EHBP1: variants seen among roughly 807,000 people sequenced by gnomAD.
EHBP1 encodes the protein EH domain binding protein 1, also known as EH domain-binding protein 1.
Under a neutral mutation model 144.0 loss-of-function variants are expected in EHBP1, and 55 were observed. The observed-to-expected ratio is 0.38, with a 90% CI of 0.31 to 0.48. The LOEUF is 0.48. Among genes scored for constraint, EHBP1 ranks in the 20% least tolerant of loss-of-function variants. The pLI, the probability that EHBP1 is intolerant of heterozygous loss-of-function variation, is 0.98. For synonymous variants in EHBP1, 469 were observed against 472.7 expected (o/e 0.99, Z 0.10); for missense variants, 1,200 against 1,364.2 (o/e 0.88, Z 1.90).
rs149328046 is a variant in EHBP1, at chr2:62,885,170, T to C, written c.1185+10638T>C. ...ATAAAATGACAACTCAGCCAGATGA[T>C]TGATTTCTCCACCTATTGCCTGAAA... is the stretch of plus-strand genomic sequence containing the variant. On this transcript the variant is annotated intron_variant, in intron 10 of 22. Coordinates refer to ENST00000431489, the MANE Select transcript of EHBP1 (RefSeq NM_001142616.3). Among the ~76,000 whole-genome samples the C allele has an allele frequency of 4.7e-4, 72 of 152,342 alleles. 1 individual carries two copies. Among genetic ancestry groups the C allele is most frequent in the African/African-American group, 1.5e-3 (64 of 41,582 alleles).
At chr2:62,686,722 CATT>C (rs1323976595) in intron 1 of EHBP1, among the ~76,000 whole-genome samples, 1 of 152,166 alleles carries the variant, frequency 6.6e-6, no homozygotes, top group Non-Finnish European at 1.5e-5. Context: ...GTTTTAAAAA[CATT>C]ATTTAATATT....
intron 7 of EHBP1, among the ~76,000 whole-genome samples, chr2:62,849,912 T>C (rs2048560318): frequency 6.6e-6 from 1 of 152,216 alleles, no homozygotes; most frequent in Admixed American, 6.5e-5. Flanking sequence ...AGTATGTATT[T>C]GAGAATTATC....
At position 63,045,133 on chromosome 2, in the gene EHBP1, G is replaced by C; in HGVS notation, c.3345G>C (p.Val1115=). 1 of 1,597,666 alleles carries C rather than the reference G, an allele frequency of 6.3e-7. No individual in the cohort carries two copies. The highest frequency in any genetic ancestry group is 8.5e-7 in the Non-Finnish European group (1 of 1,171,822). The change falls in exon 22 of 23, where the codon GTG becomes GTC. Residue 1115 remains valine (V), a synonymous_variant. Coordinates refer to ENST00000431489, the MANE Select transcript of EHBP1 (RefSeq NM_001142616.3). This position sits in a 1 kb window ranked among gnomAD's most constrained non-coding sequence, Gnocchi z 5.7. The part of the protein sequence containing the change: ...QLLLDELVAL[V]NKRDALVRDL... ...TGCTAGATGAGCTGGTGGCCCTGGT[G>C]AACAAGCGCGATGCGCTCGTCAGGG...
intron 1 of EHBP1, among the ~76,000 whole-genome samples, chr2:62,696,449 TTTTTTTCTTTTCCTTTTTCTTCTC>T (rs2034096582): frequency 6.6e-6 from 1 of 151,532 alleles, no homozygotes; most frequent in Non-Finnish European, 1.5e-5. Context: ...GCCCAGCTTT[TTTTTTTCTTTTCCTTTTTCTTCTC>T]TTTTTTCTTT....
intron 14 of EHBP1, among the ~76,000 whole-genome samples, chr2:62,973,792 G>A (rs1333042221): frequency 4.6e-5 from 7 of 152,118 alleles, no homozygotes; most frequent in Non-Finnish European, 8.8e-5. Flanking sequence ...TGGAGCCCAT[G>A]AGTTTGAGAC....
chr2:62,994,334 A>C (rs2059545615), intron 18 of EHBP1, among the ~76,000 whole-genome samples: 1 of 152,094 alleles, frequency 6.6e-6, no homozygotes, highest in Non-Finnish European at 1.5e-5. Flanking sequence ...GACCTGCTAG[A>C]ATTTCTCAGC....
chr2:62,942,833 C>G lies in EHBP1; in HGVS notation c.1301C>G (p.Thr434Ser). The change falls in exon 11 of 23, where the codon ACT (threonine) becomes AGT (serine). Residue 434 changes from threonine (T) to serine (S), a missense_variant. By Grantham distance (58) the Thr-to-Ser change is moderately conservative. Transcript: ENST00000431489. ...NYRGVKITNF[T>S]TSWRNGLSFC... ...CGAGGAGTAAAAATCACCAATTTTA[C>G]TACATCGTGGAGAAATGGTTTATCT... The G allele has an allele frequency of 6.2e-7, 1 of 1,613,816 alleles. No individual in the cohort carries two copies. Among genetic ancestry groups the G allele is most frequent in the Non-Finnish European group, 8.5e-7 (1 of 1,179,788 alleles).
At chr2:62,950,576 A>G (rs1166225257) in intron 13 of EHBP1, among the ~76,000 whole-genome samples, 1 of 152,334 alleles carries the variant, frequency 6.6e-6, no homozygotes, top group African/African-American at 2.4e-5. Context: ...ATCAAAAATG[A>G]CAAATATCAG....
At chr2:62,802,593 G>A (rs953080279) in intron 5 of EHBP1, among the ~76,000 whole-genome samples, 5 of 151,990 alleles carry the variant, frequency 3.3e-5, no homozygotes, top group East Asian at 3.9e-4. Context: ...ATAAAGAAAC[G>A]TATAAAGTAA....
intron 3 of EHBP1, among the ~76,000 whole-genome samples, chr2:62,750,566 C>A (rs543692542): frequency 1.3e-5 from 2 of 152,268 alleles, no homozygotes; most frequent in Non-Finnish European, 2.9e-5. Flanking sequence ...CTATAAATTA[C>A]CTTGGGCAGT....
At chr2:62,967,907 G>A (rs974417478) in intron 14 of EHBP1, among the ~76,000 whole-genome samples, 2 of 151,750 alleles carry the variant, frequency 1.3e-5, no homozygotes, top group Non-Finnish European at 2.9e-5. Flanking sequence ...TCAAGTTTAC[G>A]CAGGAGAAAA....
At chr2:62,771,426 T>C in intron 5 of EHBP1, 34 bp downstream of exon 5, 1 of 1,531,902 alleles carries the variant, frequency 6.5e-7, no homozygotes, top group Non-Finnish European at 8.9e-7. Flanking sequence ...ACCTTTCACA[T>C]TTTCAACTTT....
At chr2:62,931,042 C>A (rs1177943830) in intron 10 of EHBP1, among the ~76,000 whole-genome samples, 1 of 152,138 alleles carries the variant, frequency 6.6e-6, no homozygotes, top group Non-Finnish European at 1.5e-5. Context: ...AAATTTAAAA[C>A]TTTTGTGCCT....
chr2:62,775,144 T>A (rs1364685159), intron 5 of EHBP1, among the ~76,000 whole-genome samples: 1 of 152,220 alleles, frequency 6.6e-6, no homozygotes, highest in Non-Finnish European at 1.5e-5. Flanking sequence ...TTGTCAAATT[T>A]ATTTAAAATA....
intron 1 of EHBP1, among the ~76,000 whole-genome samples, chr2:62,685,442 A>G (rs1051730713): frequency 1.3e-5 from 2 of 151,898 alleles, no homozygotes; most frequent in African/African-American, 2.4e-5. Flanking sequence ...GCTGATAGAA[A>G]CAACACCCAA....
chr2:62,822,732 A>C (rs1159818946), intron 5 of EHBP1, among the ~76,000 whole-genome samples: 1 of 152,160 alleles, frequency 6.6e-6, no homozygotes. Context: ...GTAATGTTCA[A>C]CTTTACAAAA....
At chr2:62,838,112 T>G (rs2047447458) in intron 7 of EHBP1, among the ~76,000 whole-genome samples, 1 of 151,630 alleles carries the variant, frequency 6.6e-6, no homozygotes, top group Non-Finnish European at 1.5e-5. Context: ...TCAGCAAATG[T>G]AAAAGAACAG....
At chr2:62,728,071 CTAG>C (rs2037015257) in intron 2 of EHBP1, among the ~76,000 whole-genome samples, 1 of 152,138 alleles carries the variant, frequency 6.6e-6, no homozygotes, top group Non-Finnish European at 1.5e-5. Flanking sequence ...ATTGGACACC[CTAG>C]TAGTCTGGCC....
intron 6 of EHBP1, among the ~76,000 whole-genome samples, chr2:62,829,254 G>C (rs972266668): frequency 3.3e-5 from 5 of 151,924 alleles, no homozygotes; most frequent in Admixed American, 2.0e-4. Context: ...GTGGTGTTTG[G>C]TTGCATAGGA....
Sources: allele counts gnomAD v4.1 joint callset (sites outside exome capture counted in the v4.1 genomes callset), GRCh38; gene constraint gnomAD v4.1.1; non-coding constraint Gnocchi (gnomAD v3.1); transcripts MANE v1.5; gene names NCBI Gene and HGNC (gene_info 2026-07-23, HGNC 2026-07-21).